WWOX: variants seen among roughly 807,000 people sequenced by gnomAD.
The protein encoded by WWOX is WW domain containing oxidoreductase, also known as WW domain-containing oxidoreductase.
Under a neutral mutation model 46.2 loss-of-function variants are expected in WWOX, and 69 were observed. The ratio of observed to expected loss-of-function variants is 1.49; its 90% CI spans 1.23 to 1.82. The LOEUF (loss-of-function observed/expected upper bound fraction) is 1.82. Ranked by LOEUF, WWOX falls within the 40% of genes most tolerant of loss-of-function variation. The pLI, the probability that WWOX is intolerant of heterozygous loss-of-function variation, is 0.00. For synonymous variants in WWOX, 359 were observed against 202.6 expected (o/e 1.77, Z -6.56); for missense variants, 919 against 542.6 (o/e 1.69, Z -6.89).
At chr16:79,167,560 C>T (rs567809512) in intron 8 of WWOX, among the ~76,000 whole-genome samples, 188 of 152,244 alleles carry the variant, frequency 1.2e-3, no homozygotes, top group African/African-American at 4.3e-3. Flanking sequence ...TGCTCCATGG[C>T]CTCCACGCAT....
chr16:79,020,325 A>G (rs938753186), intron 8 of WWOX, among the ~76,000 whole-genome samples: 6 of 152,192 alleles, frequency 3.9e-5, no homozygotes, highest in Non-Finnish European at 5.9e-5. Context: ...GGGTTTTGTG[A>G]TCAAAACTAT....
chr16:78,148,757 G>A (rs1030137197), intron 4 of WWOX, among the ~76,000 whole-genome samples: 40 of 151,884 alleles, frequency 2.6e-4, no homozygotes, highest in Admixed American at 2.4e-3. Flanking sequence ...AATTAGCTGG[G>A]CATGGTGGCG....
chr16:78,704,867 C>T (rs1474164074), intron 8 of WWOX, among the ~76,000 whole-genome samples: 1 of 151,888 alleles, frequency 6.6e-6, no homozygotes, highest in Non-Finnish European at 1.5e-5. Flanking sequence ...TTGTGGGCCA[C>T]CCCAACTCTT....
Position 78,120,564 on chromosome 16 carries a change from G to A in WWOX, c.409+5410G>A, listed in dbSNP as rs564815581. Among the ~76,000 whole-genome samples the A allele has an allele frequency of 1.3e-3, 192 of 146,920 alleles. 1 individual carries two copies. Among genetic ancestry groups the A allele is most frequent in the African/African-American group, 4.6e-3 (186 of 40,078 alleles). On this transcript the variant is annotated intron_variant, in intron 4 of 8. Transcript: ENST00000566780. Reference sequence around the variant, plus strand: ...CGCAGTCCGGCCTGGGCGACAGAGCGAGACTCCGTCTCAAAAAAAAAAAAA... The same window carrying A: ...CGCAGTCCGGCCTGGGCGACAGAGCAAGACTCCGTCTCAAAAAAAAAAAAA...
chr16:78,142,496 A>G (rs977247508), intron 4 of WWOX, among the ~76,000 whole-genome samples: 1 of 152,188 alleles, frequency 6.6e-6, no homozygotes, highest in Admixed American at 6.5e-5. Flanking sequence ...TCATTCTCAC[A>G]GTTATATTTG....
intron 8 of WWOX, among the ~76,000 whole-genome samples, chr16:79,107,701 G>C (rs1236898086): frequency 9.9e-5 from 15 of 152,098 alleles, no homozygotes; most frequent in Non-Finnish European, 2.1e-4. Context: ...AATTTTTCTT[G>C]AAAATGTTCA....
intron 8 of WWOX, among the ~76,000 whole-genome samples, chr16:79,122,277 A>G (rs1159390367): frequency 6.6e-6 from 1 of 152,166 alleles, no homozygotes; most frequent in Admixed American, 6.5e-5. Flanking sequence ...CAAAAAAGAA[A>G]AGGGAGGAGG....
In WWOX at chr16:78,537,762, C is replaced by T. The variant is rs998998416; in HGVS notation, c.1056+105010C>T. On this transcript the variant is annotated intron_variant, in intron 8 of 8. Coordinates refer to ENST00000566780, the MANE Select transcript of WWOX (RefSeq NM_016373.4). ...TGGGTGATGAGGAAGCTGGATTTGG[C>T]AGCTGGTTTTGTCTGGATTTGAAAG... 3.3e-5 allele frequency among the ~76,000 whole-genome samples: 5 copies of T among 152,000 alleles called. 1 individual carries two copies. The highest frequency in any genetic ancestry group is 2.0e-4 in the Admixed American group (3 of 15,256).
intron 6 of WWOX, among the ~76,000 whole-genome samples, chr16:78,415,436 C>G (rs906394381): frequency 1.3e-5 from 2 of 152,078 alleles, no homozygotes; most frequent in Non-Finnish European, 2.9e-5. Context: ...TGCTGACCTC[C>G]TATGTTATCC....
intron 6 of WWOX, among the ~76,000 whole-genome samples, chr16:78,400,352 C>T (rs1270471911): frequency 6.6e-6 from 1 of 152,126 alleles, no homozygotes; most frequent in African/African-American, 2.4e-5. Flanking sequence ...CTCGATTTCC[C>T]ACCTCAGATC....
In WWOX at chr16:78,594,713, C is replaced by T. The variant is rs111470136; in HGVS notation, c.1056+161961C>T. 7.7e-3 allele frequency among the ~76,000 whole-genome samples: 1,172 copies of T among 152,080 alleles called. 11 individuals carry two copies. The highest frequency in any genetic ancestry group is 0.027 in the African/African-American group (1,133 of 41,490). ...TGGACCACACCTTTCTCCTTTGTCC[C>T]TTTTTATAACTCATAGGCTACCTCC... On this transcript the variant is annotated intron_variant, in intron 8 of 8. Transcript: ENST00000566780.
intron 8 of WWOX, among the ~76,000 whole-genome samples, chr16:78,937,148 A>G (rs188457584): frequency 3.9e-5 from 6 of 152,272 alleles, no homozygotes; most frequent in Admixed American, 2.6e-4. Context: ...AAATGTTGAT[A>G]TATCAAATTT....
intron 8 of WWOX, among the ~76,000 whole-genome samples, chr16:78,452,691 G>A (rs2083721585): frequency 6.6e-6 from 1 of 150,670 alleles, no homozygotes; most frequent in Admixed American, 6.6e-5. Context: ...GGCCAGGCTG[G>A]TATCGAATTC....
At chr16:78,664,747 G>C (rs1043881800) in intron 8 of WWOX, among the ~76,000 whole-genome samples, 1 of 152,142 alleles carries the variant, frequency 6.6e-6, no homozygotes, top group African/African-American at 2.4e-5. Flanking sequence ...GCTCCTTGAG[G>C]CTCAATTATT....
rs778218106 is a variant in WWOX at position 79,211,636 on chromosome 16, G to A, written c.1085G>A (p.Cys362Tyr). 75 of 1,614,046 alleles carry A rather than the reference G, an allele frequency of 4.6e-5. No individual in the cohort carries two copies. Among genetic ancestry groups the A allele is most frequent in the Non-Finnish European group, 6.3e-5 (74 of 1,180,044 alleles). ...MQQGAATTVY[C>Y]AAVPELEGLG... ...CAGGGAGCTGCCACCACCGTGTACT[G>A]TGCTGCTGTCCCAGAACTGGAGGGT... The change falls in exon 9 of 9, where the codon TGT becomes TAT. Residue 362 changes from cysteine to tyrosine, a missense_variant. Cys to Tyr is a radical substitution (Grantham distance 194). Transcript: ENST00000566780.
intron 8 of WWOX, chr16:78,896,766 TGTGAGA>T (rs1567633665): frequency 6.6e-6 from 1 of 152,060 alleles, no homozygotes; most frequent in Admixed American, 6.6e-5. Context: ...TGTGTGTGTG[TGTGAGA>T]GAGAGAGAAA....
chr16:78,930,253 T>TCCTTCTGA (rs2045592171), intron 8 of WWOX, among the ~76,000 whole-genome samples: 3 of 126,326 alleles, frequency 2.4e-5, no homozygotes, highest in Non-Finnish European at 5.2e-5. Flanking sequence ...CTTCCTTCCT[T>TCCTTCTGA]CCTTCCTTCC....
At chr16:78,311,558 C>T (rs1363136209) in intron 5 of WWOX, among the ~76,000 whole-genome samples, 3 of 152,156 alleles carry the variant, frequency 2.0e-5, no homozygotes, top group Non-Finnish European at 4.4e-5. Flanking sequence ...AATGCCGTAA[C>T]AGTGAGCAAG....
chr16:78,426,189 T>C (rs2083073453), intron 7 of WWOX, among the ~76,000 whole-genome samples: 1 of 152,224 alleles, frequency 6.6e-6, no homozygotes, highest in Admixed American at 6.5e-5. Context: ...GACAGCCTTA[T>C]CTTTGCAAAT....
Sources: allele counts gnomAD v4.1 joint callset (sites outside exome capture counted in the v4.1 genomes callset), GRCh38; gene constraint gnomAD v4.1.1; transcripts MANE v1.5; gene names NCBI Gene and HGNC (gene_info 2026-07-23, HGNC 2026-07-21).